LHFPL3: variants seen among roughly 807,000 people sequenced by gnomAD.
LHFPL3 encodes the protein LHFPL tetraspan subfamily member 3 protein.
LHFPL3 carries 5 observed loss-of-function variants against 19.3 expected under a neutral mutation model. The observed-to-expected ratio is 0.26, with a 90% CI of 0.14 to 0.54. The LOEUF is 0.54. Ranked by LOEUF, LHFPL3 falls within the 20% of genes least tolerant of loss-of-function variation. The pLI is 0.94. For missense variants in LHFPL3, 249 were observed against 307.4 expected (o/e 0.81, Z 1.42); for synonymous variants, 133 against 126.2 (o/e 1.05, Z -0.36).
intron 1 of LHFPL3, chr7:104,669,429 T>A (rs1274196259): frequency 8.6e-5 from 138 of 1,613,300 alleles, no homozygotes; most frequent in Non-Finnish European, 1.1e-4. Flanking sequence ...ATAGGAAAGA[T>A]GGCAAAAAGG....
In LHFPL3 at chr7:104,832,946, A is replaced by G. The variant is rs1248384080; in HGVS notation, c.683-73241A>G. Among the ~76,000 whole-genome samples the G allele has an allele frequency of 3.5e-4, 40 of 114,788 alleles. 1 individual carries two copies. The highest frequency in any genetic ancestry group is 3.8e-3 in the Middle Eastern group (1 of 260). 75.3% of individuals were successfully genotyped at this position (114,788 alleles called of 152,430 possible). The stretch of plus-strand genomic sequence containing the variant: ...ATTAGTCAGGGTTCTCTAGAGGGAC[A>G]GAACTAATAGGATGTATATATATAT... On this transcript the variant is annotated intron_variant, in intron 2 of 2. Coordinates refer to ENST00000424859, the MANE Select transcript of LHFPL3 (RefSeq NM_199000.3).
chr7:104,379,804 T>C (rs1298284578), intron 1 of LHFPL3, among the ~76,000 whole-genome samples: 2 of 152,094 alleles, frequency 1.3e-5, no homozygotes, highest in Non-Finnish European at 2.9e-5. Flanking sequence ...GAGGAAGCAA[T>C]GGATGTGGCT....
intron 1 of LHFPL3, among the ~76,000 whole-genome samples, chr7:104,563,815 G>C (rs1267553149): frequency 6.6e-6 from 1 of 152,176 alleles, no homozygotes; most frequent in Non-Finnish European, 1.5e-5. Context: ...ATAAATTTCT[G>C]TGTTTATAAG....
At chr7:104,818,472 C>T (rs529057552) in intron 2 of LHFPL3, among the ~76,000 whole-genome samples, 43 of 151,098 alleles carry the variant, frequency 2.8e-4, no homozygotes, top group Non-Finnish European at 5.6e-4. Context: ...ACCTGGGAGG[C>T]GGAGGTTGCA....
intron 1 of LHFPL3, among the ~76,000 whole-genome samples, chr7:104,505,904 T>G (rs41039): frequency 6.6e-6 from 1 of 152,070 alleles, no homozygotes; most frequent in East Asian, 1.9e-4. Flanking sequence ...GGACGTCTTG[T>G]ATATATCTTT....
At chr7:104,883,647 G>A (rs1028306975) in intron 2 of LHFPL3, among the ~76,000 whole-genome samples, 30 of 152,198 alleles carry the variant, frequency 2.0e-4, no homozygotes, top group African/African-American at 7.0e-4. Context: ...TGTGTAACGT[G>A]TCACTGAGGC....
At position 104,663,652 on chromosome 7, in the gene LHFPL3, T is replaced by C. The variant is rs75070040; in HGVS notation, c.446-73023T>C. ...ATGCCAAAGGTATATGCCAAAACTT[T>C]TCAGGTTACCATATAAGAGAGCAAG... On this transcript the variant is annotated intron_variant, in intron 1 of 2. Transcript: ENST00000424859. 5.2e-3 allele frequency among the ~76,000 whole-genome samples: 790 copies of C among 152,320 alleles called. 45 individuals carry two copies. In the East Asian group the frequency reaches 0.11, roughly 22 times the overall value.
At chr7:104,867,230 G>A (rs1458467244) in intron 2 of LHFPL3, among the ~76,000 whole-genome samples, 1 of 152,182 alleles carries the variant, frequency 6.6e-6, no homozygotes, top group Non-Finnish European at 1.5e-5. Flanking sequence ...TAAGATCAGA[G>A]CAGAAGTCAA....
intron 1 of LHFPL3, among the ~76,000 whole-genome samples, chr7:104,368,364 G>A (rs1790535942): frequency 6.6e-6 from 1 of 152,150 alleles, no homozygotes; most frequent in African/African-American, 2.4e-5. Flanking sequence ...CAAAAAAAAG[G>A]GACCTGAACG....
At chr7:104,468,036 A>G (rs2115602031) in intron 1 of LHFPL3, among the ~76,000 whole-genome samples, 1 of 152,364 alleles carries the variant, frequency 6.6e-6, no homozygotes, top group Non-Finnish European at 1.5e-5. Flanking sequence ...TTTTAAGCAG[A>G]AAGATTTAAT....
intron 2 of LHFPL3, among the ~76,000 whole-genome samples, chr7:104,900,529 G>C (rs1051322056): frequency 3.3e-5 from 5 of 152,156 alleles, no homozygotes; most frequent in Non-Finnish European, 5.9e-5. Context: ...AATAATTTTA[G>C]TAATTATCCT....
intron 1 of LHFPL3, among the ~76,000 whole-genome samples, chr7:104,716,856 C>T (rs1173477302): frequency 6.6e-6 from 1 of 152,092 alleles, no homozygotes; most frequent in African/African-American, 2.4e-5. Flanking sequence ...ATGAAGGACC[C>T]TGAATAGCCA....
At chr7:104,752,151 T>C (rs1025652581) in intron 2 of LHFPL3, among the ~76,000 whole-genome samples, 35 of 152,316 alleles carry the variant, frequency 2.3e-4, no homozygotes, top group African/African-American at 8.4e-4. Context: ...CCTCGTGGTT[T>C]AGACTCTGAT....
At chr7:104,752,249 G>A (rs1051979173) in intron 2 of LHFPL3, among the ~76,000 whole-genome samples, 48 of 152,150 alleles carry the variant, frequency 3.2e-4, no homozygotes, top group African/African-American at 9.9e-4. Flanking sequence ...AACATTTTGC[G>A]TTGACTGAGC....
intron 1 of LHFPL3, among the ~76,000 whole-genome samples, chr7:104,364,873 T>C (rs573812026): frequency 2.2e-4 from 34 of 152,218 alleles, no homozygotes; most frequent in Admixed American, 8.5e-4. Flanking sequence ...CTCAGAGAGA[T>C]AGCAGGATGT....
At chr7:104,559,777 T>C (rs1054470302) in intron 1 of LHFPL3, among the ~76,000 whole-genome samples, 78 of 151,034 alleles carry the variant, frequency 5.2e-4, no homozygotes, top group African/African-American at 1.8e-3. Context: ...GAGGGAATGC[T>C]TCCAGTTTTT....
At chr7:104,797,556 C>T (rs1415683128) in intron 2 of LHFPL3, among the ~76,000 whole-genome samples, 1 of 152,076 alleles carries the variant, frequency 6.6e-6, no homozygotes, top group East Asian at 1.9e-4. Context: ...AGAAATAAAC[C>T]TTCATGGTTA....
intron 1 of LHFPL3, among the ~76,000 whole-genome samples, chr7:104,339,564 C>A (rs958259449): frequency 6.6e-6 from 1 of 152,238 alleles, no homozygotes; most frequent in African/African-American, 2.4e-5. Flanking sequence ...ATTCCCACTG[C>A]AGTTCCATTT....
chr7:104,483,885 A>G (rs945314131), intron 1 of LHFPL3, among the ~76,000 whole-genome samples: 3 of 152,200 alleles, frequency 2.0e-5, no homozygotes, highest in African/African-American at 7.2e-5. Flanking sequence ...TTGGCCTCCC[A>G]AAGTGTTGGG....
Sources: gnomAD v4.1 joint callset for allele counts (sites outside exome capture counted in the v4.1 genomes callset) on GRCh38, gnomAD v4.1.1 for gene constraint, MANE v1.5 for transcripts, NCBI Gene and HGNC (gene_info 2026-07-23, HGNC 2026-07-21) for gene names.